Variants in ATP10B observed in about 807,000 individuals in gnomAD.
ATP10B encodes ATPase phospholipid transporting 10B (putative).
In ATP10B, 122 loss-of-function variants were observed where a neutral mutation model predicts 141.2. The observed-to-expected ratio is 0.86, with a 90% CI of 0.75 to 1.00. ATP10B has a LOEUF of 1.00. Ranked by LOEUF, ATP10B falls within the 50% of genes least tolerant of loss-of-function variation. ATP10B has a pLI of 0.00. For synonymous variants in ATP10B, 685 were observed against 692.0 expected (o/e 0.99, Z 0.16); for missense variants, 1,876 against 1,825.3 (o/e 1.03, Z -0.51).
chr5:160,570,775 CT>C (rs2127594376), intron 24 of ATP10B, among the ~76,000 whole-genome samples: 1 of 152,300 alleles, frequency 6.6e-6, no homozygotes, highest in African/African-American at 2.4e-5. Flanking sequence ...GTAAAATGTC[CT>C]TTTTGGGAGT....
chr5:160,694,140 C>A lies in ATP10B; in HGVS notation c.-204-5197G>T, dbSNP rs557962952. ...TAAGGGTGGGCTGGAGGGACCGAAA[C>A]TGGGGGCTAGAGGCAGCTCTTTGAC... On this transcript the variant is annotated intron_variant, in intron 3 of 25. Transcript: ENST00000327245. Among the ~76,000 whole-genome samples the A allele has an allele frequency of 2.0e-5, 3 of 152,288 alleles. No homozygotes were observed. The East Asian group carries it at 5.8e-4, about 29-fold the overall frequency.
chr5:160,852,437 GT>G (rs1176427196), upstream of ATP10B, among the ~76,000 whole-genome samples: 3 of 152,118 alleles, frequency 2.0e-5, no homozygotes, highest in South Asian at 6.2e-4. Context: ...GTAATTAAGT[GT>G]GAGACAATTA....
At chr5:160,916,086 T>C in the ATP10B span, among the ~76,000 whole-genome samples, 1 of 152,180 alleles carries the variant, frequency 6.6e-6, no homozygotes, top group Non-Finnish European at 1.5e-5. Context: ...GTAGGAACTT[T>C]ATAACAACTC....
chr5:160,703,673 C>T (rs1371639699), intron 3 of ATP10B, among the ~76,000 whole-genome samples: 1 of 152,020 alleles, frequency 6.6e-6, no homozygotes, highest in Non-Finnish European at 1.5e-5. Flanking sequence ...TCATGTTGGC[C>T]AGGTTGGTCT....
the ATP10B span, among the ~76,000 whole-genome samples, chr5:160,876,612 G>A: frequency 2.0e-5 from 3 of 151,290 alleles, no homozygotes; most frequent in South Asian, 4.2e-4. Flanking sequence ...TTTTTTGAAA[G>A]GATCAACAAA....
chr5:160,803,416 A>G (rs1200796891), intron 1 of ATP10B, among the ~76,000 whole-genome samples: 3 of 152,160 alleles, frequency 2.0e-5, no homozygotes, highest in Non-Finnish European at 4.4e-5. Flanking sequence ...GGCGGCTCAC[A>G]CCTGTAATCC....
chr5:160,653,214 CAT>C (rs61723613), intron 7 of ATP10B, among the ~76,000 whole-genome samples: 1,987 of 130,902 alleles, frequency 0.015, 177 homozygotes, highest in African/African-American at 0.053. Flanking sequence ...TACTATATAT[CAT>C]ATATACATAC....
chr5:160,818,045 C>T (rs1340647732), intron 1 of ATP10B, among the ~76,000 whole-genome samples: 1 of 152,024 alleles, frequency 6.6e-6, no homozygotes, highest in Non-Finnish European at 1.5e-5. Flanking sequence ...CCATAAAAAC[C>T]CTAGAAGAAA....
At chr5:160,634,739 C>A in intron 11 of ATP10B, 133 bp from the exon 12 acceptor site, 4 of 938,474 alleles carry the variant, frequency 4.3e-6, no homozygotes, top group Non-Finnish European at 6.3e-6. Flanking sequence ...GTGAAATTAA[C>A]GGTCAATGAC....
At chr5:160,742,933 G>A (rs997879347) in intron 2 of ATP10B, among the ~76,000 whole-genome samples, 9 of 152,254 alleles carry the variant, frequency 5.9e-5, no homozygotes, top group South Asian at 2.1e-4. Flanking sequence ...GCATGAAGGT[G>A]TTACCTCCAG....
chr5:160,583,557 T>C (rs1397824399), intron 24 of ATP10B, among the ~76,000 whole-genome samples: 1 of 152,226 alleles, frequency 6.6e-6, no homozygotes, highest in Non-Finnish European at 1.5e-5. Flanking sequence ...GTCTGTCCCT[T>C]AGCAGAGCTC....
chr5:160,924,599 A>G, the ATP10B span, among the ~76,000 whole-genome samples: 2 of 152,222 alleles, frequency 1.3e-5, no homozygotes, highest in Admixed American at 1.3e-4. Flanking sequence ...TTGCAGCAGA[A>G]GCCAGGGCCC....
rs932295875 is a variant in ATP10B at position 160,613,024 on chromosome 5, G to T, written c.2654-99C>A. 6 of 1,170,160 alleles carry T rather than the reference G, an allele frequency of 5.1e-6. No individual in the cohort carries two copies. In the Admixed American group the frequency reaches 6.7e-5, roughly 13 times the overall value. The allele number at this position is 1,170,160 out of a possible 1,614,324, so 72.5% of individuals were successfully genotyped here. A position where few individuals can be genotyped will look rare whatever the true frequency, so the allele number is the denominator to read the frequency against. On this transcript the variant is annotated intron_variant, in intron 17 of 25. Transcript: ENST00000327245. ...GAAGCCAGGCAATGTTTATTGGATA[G>T]CATCACTGTGCTAGGCTGTGTACCC... is the stretch of plus-strand genomic sequence containing the variant.
chr5:160,886,151 C>A, the ATP10B span, among the ~76,000 whole-genome samples: 2 of 152,140 alleles, frequency 1.3e-5, no homozygotes, highest in Admixed American at 1.3e-4. Context: ...GTTTTGTAAA[C>A]CCATGGCTGT....
chr5:160,799,567 G>A (rs529162890), intron 1 of ATP10B, among the ~76,000 whole-genome samples: 1 of 152,284 alleles, frequency 6.6e-6, no homozygotes, highest in East Asian at 1.9e-4. Context: ...GAGGGCGAGA[G>A]AGCATGTTTC....
At chr5:160,756,886 A>AT (rs1242760731) in intron 2 of ATP10B, among the ~76,000 whole-genome samples, 2 of 151,202 alleles carry the variant, frequency 1.3e-5, no homozygotes, top group African/African-American at 2.4e-5. Context: ...TCACGCGAAT[A>AT]TTTTTTCCTA....
chr5:160,669,608 C>CTTT lies in ATP10B; in HGVS notation c.675+852_675+854dup, dbSNP rs5872655. On this transcript the variant is annotated intron_variant, in intron 7 of 25. Coordinates refer to ENST00000327245, the MANE Select transcript of ATP10B (RefSeq NM_025153.3). ...TGACAGACTGAGAGCCAGTCTCTCT[C>CTTT]TTTTTTTTTTTTTTTTTTTTTTGAG... Among the ~76,000 whole-genome samples, 63 of 84,958 alleles carry CTTT rather than the reference C, an allele frequency of 7.4e-4. 1 individual carries two copies. The highest frequency in any genetic ancestry group is 2.1e-3 in the African/African-American group (48 of 22,806). 55.7% of individuals were successfully genotyped at this position (84,958 alleles called of 152,430 possible).
chr5:160,855,062 GT>G (rs1336714953), upstream of ATP10B, among the ~76,000 whole-genome samples: 2 of 152,110 alleles, frequency 1.3e-5, no homozygotes. Context: ...CACAGGTTTT[GT>G]GTGAATAGAA....
chr5:160,778,156 C>G (rs554302207), intron 2 of ATP10B, among the ~76,000 whole-genome samples: 3 of 152,240 alleles, frequency 2.0e-5, no homozygotes, highest in Middle Eastern at 3.4e-3. Flanking sequence ...TTACCATGTC[C>G]ACGTATTATC....
Sources: allele counts gnomAD v4.1 joint callset (sites outside exome capture counted in the v4.1 genomes callset), GRCh38; gene constraint gnomAD v4.1.1; transcripts MANE v1.5; gene names NCBI Gene and HGNC (gene_info 2026-07-23, HGNC 2026-07-21).